Variants in BTBD16 observed in about 807,000 individuals in gnomAD.
BTBD16 encodes BTB domain containing 16.
BTBD16 carries 66 observed loss-of-function variants against 67.4 expected under a neutral mutation model. The ratio of observed to expected loss-of-function variants is 0.98; its 90% CI spans 0.80 to 1.20. The LOEUF is 1.20. BTBD16 is among the 50% of genes most tolerant of loss of function. The probability of loss-of-function intolerance (pLI) is 0.00; values close to 1 mark genes in which losing one functional copy is unlikely to be tolerated. For missense variants in BTBD16, 634 were observed against 616.0 expected (o/e 1.03, Z -0.31); for synonymous variants, 242 against 236.4 (o/e 1.02, Z -0.22).
intron 9 of BTBD16, among the ~76,000 whole-genome samples, chr10:122,302,564 G>A (rs916457513): frequency 6.6e-6 from 1 of 152,224 alleles, no homozygotes; most frequent in African/African-American, 2.4e-5. Context: ...AATTCCCTAA[G>A]AAGAGCTATG....
chr10:122,303,049 G>A (rs2096397079), intron 9 of BTBD16, among the ~76,000 whole-genome samples: 1 of 152,052 alleles, frequency 6.6e-6, no homozygotes, highest in African/African-American at 2.4e-5. Context: ...ATATCTCCTT[G>A]TAGTTTCTGA....
intron 8 of BTBD16, 33 bp downstream of exon 8, chr10:122,297,870 T>C (rs1162704081): frequency 6.2e-7 from 1 of 1,604,482 alleles, no homozygotes; most frequent in Non-Finnish European, 8.5e-7. Flanking sequence ...ACATCGCCCC[T>C]TGGGGGGGCC....
intron 6 of BTBD16, among the ~76,000 whole-genome samples, chr10:122,290,482 A>T: frequency 6.6e-6 from 1 of 152,076 alleles, no homozygotes. Flanking sequence ...AACATCCGTG[A>T]TGTCATGTGA....
intron 14 of BTBD16, 108 bp from the exon 15 acceptor site, chr10:122,336,386 C>A: frequency 1.0e-6 from 1 of 974,350 alleles, no homozygotes; most frequent in Non-Finnish European, 1.4e-6. Context: ...TGCCCTCTTG[C>A]TGCCTGCACA....
rs1056961575 is a variant in BTBD16 at position 122,299,071 on chromosome 10, G to A, written c.728G>A (p.Gly243Glu). ...GAAATGAACTTGGTTCCTCTAGGGGGGACGCAGATCCACCTCCACAAAATC... is the reference window on the plus strand; with the variant it reads ...GAAATGAACTTGGTTCCTCTAGGGGAGACGCAGATCCACCTCCACAAAATC... ...WLEMNLVPLGGTQIHLHKIPQ... is the reference protein window; with the variant it reads ...WLEMNLVPLGETQIHLHKIPQ... The change falls in exon 9 of 16, where the codon GGG becomes GAG. Residue 243 changes from glycine to glutamate, a missense_variant. By Grantham distance (98) the Gly-to-Glu change is moderately conservative (BLOSUM62 -2). Transcript: ENST00000260723. The A allele has an allele frequency of 6.2e-7, 1 of 1,613,936 alleles. No homozygotes were observed. Among genetic ancestry groups the A allele is most frequent in the Non-Finnish European group, 8.5e-7 (1 of 1,180,004 alleles).
At chr10:122,287,892 T>A (rs2096366840) in intron 5 of BTBD16, among the ~76,000 whole-genome samples, 1 of 152,206 alleles carries the variant, frequency 6.6e-6, no homozygotes. Flanking sequence ...CTAACCACCT[T>A]GGCTTTGGAG....
chr10:122,276,742 T>C, intron 2 of BTBD16, 49 bp from the exon 3 acceptor site: 2 of 1,594,250 alleles, frequency 1.3e-6, no homozygotes, highest in Non-Finnish European at 1.7e-6. Context: ...CTGGCATTTA[T>C]GTGAAGTTAG....
At chr10:122,320,733 A>C (rs2096434015) in intron 10 of BTBD16, among the ~76,000 whole-genome samples, 1 of 152,162 alleles carries the variant, frequency 6.6e-6, no homozygotes, top group African/African-American at 2.4e-5. Context: ...TATCAGAGAA[A>C]ATGCTTTGTA....
Position 122,291,226 on chromosome 10 carries a change from C to T in BTBD16, c.590+32C>T, listed in dbSNP as rs762533809. On this transcript the variant is annotated intron_variant, in intron 7 of 15. Coordinates refer to ENST00000260723, the MANE Select transcript of BTBD16 (RefSeq NM_144587.5). ...AAACAAGGCTGACTTTGGGCAGGGC[C>T]GGGCCTGGGGGAAATCGGAAGGGCA... 62 of 1,596,414 alleles carry T rather than the reference C, an allele frequency of 3.9e-5. 1 individual carries two copies. Among genetic ancestry groups the T allele is most frequent in the South Asian group, 2.7e-4 (24 of 88,368 alleles).
chr10:122,338,113 T>C lies in BTBD16; in HGVS notation c.*28T>C, dbSNP rs774735109. The C allele has an allele frequency of 1.1e-5, 16 of 1,511,716 alleles. No individual in the cohort carries two copies. The highest frequency in any genetic ancestry group is 1.7e-4 in the Middle Eastern group (1 of 5,894). The allele number at this position is 1,511,716 out of a possible 1,614,324, so 93.6% of individuals were successfully genotyped here. A position where few individuals can be genotyped will look rare whatever the true frequency, so the allele number is the denominator to read the frequency against. ...GTTTCCAGAAGAATCTATGGGATTT[T>C]CCCCCCACTGGTCTGCATAAAAGAA... On this transcript the variant is annotated 3_prime_UTR_variant, in exon 16 of 16. Coordinates refer to ENST00000260723, the MANE Select transcript of BTBD16 (RefSeq NM_144587.5).
At chr10:122,301,986 C>T (rs10788275) in intron 9 of BTBD16, among the ~76,000 whole-genome samples, 44,639 of 152,124 alleles carry the variant, frequency 0.29, 6,812 homozygotes, top group East Asian at 0.43. Context: ...CAAGGAGTCA[C>T]GTGGCCCCGG....
At chr10:122,283,175 G>A (rs999715752) in intron 3 of BTBD16, among the ~76,000 whole-genome samples, 2 of 152,236 alleles carry the variant, frequency 1.3e-5, no homozygotes, top group Admixed American at 1.3e-4. Context: ...GCAGGCCTCC[G>A]AGCAGAGCAG....
intron 10 of BTBD16, among the ~76,000 whole-genome samples, chr10:122,312,430 A>C (rs1171813520): frequency 6.7e-6 from 1 of 148,544 alleles, no homozygotes; most frequent in Non-Finnish European, 1.5e-5. Context: ...CTCCTGCCTC[A>C]GCCTCCTGAG....
chr10:122,287,598 G>A (rs1267166951), intron 5 of BTBD16: 3 of 473,110 alleles, frequency 6.3e-6, no homozygotes, highest in Non-Finnish European at 8.3e-6. Flanking sequence ...CTTTCAATAG[G>A]AACAGTCACA....
At chr10:122,276,338 G>A (rs1045409476) in intron 2 of BTBD16, among the ~76,000 whole-genome samples, 2 of 152,056 alleles carry the variant, frequency 1.3e-5, no homozygotes, top group Non-Finnish European at 2.9e-5. Context: ...CCACCAAATT[G>A]TACACTGTAA....
At chr10:122,325,584 G>A (rs2133306749) in intron 10 of BTBD16, among the ~76,000 whole-genome samples, 1 of 152,306 alleles carries the variant, frequency 6.6e-6, no homozygotes, top group Admixed American at 6.5e-5. Flanking sequence ...AGGTTATGAT[G>A]TGGGGGTGGC....
chr10:122,316,785 G>A (rs1323938970), intron 10 of BTBD16, among the ~76,000 whole-genome samples: 6 of 151,382 alleles, frequency 4.0e-5, no homozygotes, highest in Admixed American at 3.9e-4. Flanking sequence ...GGGCAGCACT[G>A]TAGACTTTTT....
At position 122,307,118 on chromosome 10, in the gene BTBD16, C is replaced by G. The variant is rs1316061850; in HGVS notation, c.792-71C>G. 37 of 1,518,436 alleles carry G rather than the reference C, an allele frequency of 2.4e-5. No individual in the cohort carries two copies. The East Asian group carries it at 2.8e-4, about 12-fold the overall frequency. 94.1% of individuals were successfully genotyped at this position (1,518,436 alleles called of 1,614,324 possible). A position where few individuals can be genotyped will look rare whatever the true frequency, so the allele number is the denominator to read the frequency against. ...CACCTCATTCCCAAACTCATTCTAA[C>G]CAGCTTCTTACAAGCAGCGTGATTT... On this transcript the variant is annotated intron_variant, in intron 9 of 15. Transcript: ENST00000260723.
chr10:122,281,070 G>A (rs1290998784), intron 3 of BTBD16, among the ~76,000 whole-genome samples: 1 of 152,120 alleles, frequency 6.6e-6, no homozygotes, highest in African/African-American at 2.4e-5. Flanking sequence ...GCCTCCCAAA[G>A]TATTGGGATT....
Sources: gnomAD v4.1 joint callset for allele counts (sites outside exome capture counted in the v4.1 genomes callset) on GRCh38, gnomAD v4.1.1 for gene constraint, MANE v1.5 for transcripts, NCBI Gene and HGNC (gene_info 2026-07-23, HGNC 2026-07-21) for gene names.